Variants in ADK observed in about 807,000 individuals in gnomAD.
ADK encodes the protein N6,N6-dimethyladenosine kinase.
ADK carries 24 observed loss-of-function variants against 44.7 expected under a neutral mutation model. That is an observed-to-expected ratio of 0.54 (90% CI 0.39 to 0.76). The LOEUF is 0.76. ADK is among the 30% of genes least tolerant of loss of function. ADK has a pLI of 0.00. For missense variants in ADK, 321 were observed against 425.1 expected (o/e 0.76, Z 2.15); for synonymous variants, 128 against 142.6 (o/e 0.90, Z 0.73).
intron 4 of ADK, among the ~76,000 whole-genome samples, chr10:74,353,131 G>A (rs1450173790): frequency 2.0e-5 from 3 of 152,122 alleles, no homozygotes; most frequent in South Asian, 2.1e-4. Context: ...TTATTGTAGC[G>A]CTATTTACAA....
chr10:74,392,820 A>G (rs1843382543), intron 4 of ADK, among the ~76,000 whole-genome samples: 1 of 152,006 alleles, frequency 6.6e-6, no homozygotes, highest in Non-Finnish European at 1.5e-5. Context: ...TTTTGAAGTT[A>G]ACAAAATATC....
chr10:74,672,458 C>T (rs550725786), intron 10 of ADK, among the ~76,000 whole-genome samples: 2 of 152,270 alleles, frequency 1.3e-5, no homozygotes, highest in East Asian at 3.9e-4. Flanking sequence ...TTCAAAGCTC[C>T]AGACACTGGA....
chr10:74,655,857 C>G, intron 9 of ADK: 1 of 569,970 alleles, frequency 1.8e-6, no homozygotes, highest in Non-Finnish European at 3.3e-6. Context: ...GGAGAACGAC[C>G]AGGAAGCCAG....
chr10:74,534,884 C>T (rs1037704378), intron 7 of ADK, among the ~76,000 whole-genome samples: 5 of 152,282 alleles, frequency 3.3e-5, no homozygotes, highest in Non-Finnish European at 5.9e-5. Context: ...TATTTGCTTA[C>T]AAAAGTTAAT....
chr10:74,383,422 C>G (rs1843040468), intron 4 of ADK, among the ~76,000 whole-genome samples: 1 of 152,102 alleles, frequency 6.6e-6, no homozygotes, highest in Admixed American at 6.5e-5. Flanking sequence ...CTCTCTCTCT[C>G]TCTCTTTCTC....
At chr10:74,224,405 G>T (rs931804490) in intron 2 of ADK, 133 bp from the exon 3 acceptor site, 19 of 719,976 alleles carry the variant, frequency 2.6e-5, no homozygotes, top group Non-Finnish European at 4.3e-5. Flanking sequence ...CCGTCTACTT[G>T]GGCATTCTTG....
chr10:74,240,071 G>T (rs946036843), intron 3 of ADK, among the ~76,000 whole-genome samples: 1 of 150,914 alleles, frequency 6.6e-6, no homozygotes, highest in Admixed American at 6.6e-5. Context: ...CTGGAGTATA[G>T]TGGCACGATC....
At chr10:74,706,870 CTT>C (rs1327718968) in intron 10 of ADK, among the ~76,000 whole-genome samples, 9 of 152,200 alleles carry the variant, frequency 5.9e-5, no homozygotes, top group African/African-American at 1.9e-4. Flanking sequence ...CCTTTGAACA[CTT>C]TATGTCTATT....
intron 8 of ADK, among the ~76,000 whole-genome samples, chr10:74,591,217 C>T (rs1203838825): frequency 6.6e-6 from 1 of 152,126 alleles, no homozygotes; most frequent in Non-Finnish European, 1.5e-5. Context: ...CTATATTCAC[C>T]TTTCCATTAG....
intron 6 of ADK, among the ~76,000 whole-genome samples, chr10:74,410,205 G>T (rs867614745): frequency 6.6e-6 from 1 of 151,884 alleles, no homozygotes; most frequent in Non-Finnish European, 1.5e-5. Context: ...ACACTAAAAC[G>T]TGACTAGAAA....
At chr10:74,387,540 T>C (rs1217772373) in intron 4 of ADK, among the ~76,000 whole-genome samples, 1 of 152,180 alleles carries the variant, frequency 6.6e-6, no homozygotes, top group Non-Finnish European at 1.5e-5. Flanking sequence ...TGTATGACTC[T>C]TTTTTCTTTC....
chr10:74,678,976 A>AT (rs1233469643), intron 10 of ADK, among the ~76,000 whole-genome samples: 1 of 152,220 alleles, frequency 6.6e-6, no homozygotes, highest in East Asian at 1.9e-4. Context: ...GTTACCTAAA[A>AT]TAACAACTCA....
chr10:74,216,724 C>CAAAAA (rs66939717), intron 2 of ADK, among the ~76,000 whole-genome samples: 1 of 135,196 alleles, frequency 7.4e-6, no homozygotes, highest in Non-Finnish European at 1.6e-5. Context: ...AACTCTGTCT[C>CAAAAA]AAAAAAAAAA....
intron 6 of ADK, among the ~76,000 whole-genome samples, chr10:74,481,240 T>G (rs919570701): frequency 2.0e-5 from 3 of 152,206 alleles, no homozygotes; most frequent in Non-Finnish European, 2.9e-5. Flanking sequence ...TGGTTTCAGA[T>G]TATTGCCATT....
chr10:74,245,588 G>T (rs1265836293), intron 3 of ADK, among the ~76,000 whole-genome samples: 24 of 81,300 alleles, frequency 3.0e-4, no homozygotes, highest in African/African-American at 5.0e-4. Context: ...CATAGTTTTT[G>T]TTTTTGTTTT....
At chr10:74,586,074 T>G (rs1851515581) in intron 7 of ADK, among the ~76,000 whole-genome samples, 1 of 152,230 alleles carries the variant, frequency 6.6e-6, no homozygotes, top group South Asian at 2.1e-4. Flanking sequence ...CAATTCTTAC[T>G]GGGTCAAACT....
At chr10:74,296,076 T>C (rs1389412281) in intron 3 of ADK, among the ~76,000 whole-genome samples, 3 of 151,952 alleles carry the variant, frequency 2.0e-5, no homozygotes, top group African/African-American at 7.2e-5. Flanking sequence ...CTTTTTTTTT[T>C]TTTTTTACTT....
chr10:74,467,529 T>G (rs933757674), intron 6 of ADK, among the ~76,000 whole-genome samples: 1 of 152,124 alleles, frequency 6.6e-6, no homozygotes, highest in Admixed American at 6.6e-5. Context: ...TTTTACTTAA[T>G]ACATTCATTT....
chr10:74,225,395 A>AC (rs2132247594), intron 3 of ADK, among the ~76,000 whole-genome samples: 1 of 152,220 alleles, frequency 6.6e-6, no homozygotes, highest in South Asian at 2.1e-4. Flanking sequence ...TTTTATTTTC[A>AC]CATCTAACTC....
Sources: gnomAD v4.1 joint callset for allele counts (sites outside exome capture counted in the v4.1 genomes callset) on GRCh38, gnomAD v4.1.1 for gene constraint, MANE v1.5 for transcripts, NCBI Gene and HGNC (gene_info 2026-07-23, HGNC 2026-07-21) for gene names.